PPP2R2B: variants seen among roughly 807,000 people sequenced by gnomAD.
PPP2R2B encodes the protein serine/threonine-protein phosphatase 2A 55 kDa regulatory subunit B beta isoform.
In PPP2R2B, 5 loss-of-function variants were observed where a neutral mutation model predicts 46.0. The observed-to-expected ratio is 0.11, with a 90% CI of 0.06 to 0.23. The LOEUF (loss-of-function observed/expected upper bound fraction) is 0.23. PPP2R2B is among the 10% of genes least tolerant of loss of function. PPP2R2B has a pLI of 1.00. For missense variants in PPP2R2B, 367 were observed against 575.0 expected, an observed-to-expected ratio of 0.64 and a Z score of 3.70; for synonymous variants, 215 against 206.7, an observed-to-expected ratio of 1.04 and a Z score of -0.34.
At chr5:146,867,887 T>C (rs1761400289) in intron 2 of PPP2R2B, among the ~76,000 whole-genome samples, 1 of 152,356 alleles carries the variant, frequency 6.6e-6, no homozygotes, top group East Asian at 1.9e-4. Flanking sequence ...TTTTCTTTCC[T>C]ACTTTATAAT....
upstream of PPP2R2B, among the ~76,000 whole-genome samples, chr5:146,881,692 G>A (rs608925): frequency 5.3e-3 from 802 of 152,258 alleles, 5 homozygotes; most frequent in African/African-American, 0.018. Flanking sequence ...GATTACTGGC[G>A]TGAGCCACCA....
intron 1 of PPP2R2B, among the ~76,000 whole-genome samples, chr5:146,931,815 A>C (rs1763978208): frequency 6.6e-6 from 1 of 152,192 alleles, no homozygotes; most frequent in African/African-American, 2.4e-5. Context: ...ATAAATGGAA[A>C]ACACTTCTTA....
chr5:146,946,301 C>T (rs562029497), intron 1 of PPP2R2B, among the ~76,000 whole-genome samples: 2 of 152,138 alleles, frequency 1.3e-5, no homozygotes, highest in East Asian at 3.9e-4. Flanking sequence ...TATCTGTCTT[C>T]CCCCTGTCCC....
intron 9 of PPP2R2B, chr5:146,592,259 A>G: frequency 2.9e-6 from 1 of 346,672 alleles, no homozygotes; most frequent in South Asian, 2.2e-5. Flanking sequence ...GGAGTGTGAG[A>G]GAGAGACAGT....
intron 1 of PPP2R2B, among the ~76,000 whole-genome samples, chr5:146,945,009 C>A (rs2915843): frequency 0.47 from 71,801 of 151,960 alleles, 19,263 homozygotes; most frequent in East Asian, 0.73. Flanking sequence ...ATTTGCAAAA[C>A]CCTCATTTAC....
intron 1 of PPP2R2B, among the ~76,000 whole-genome samples, chr5:146,984,467 T>C (rs542628167): frequency 6.6e-6 from 1 of 152,376 alleles, no homozygotes; most frequent in East Asian, 1.9e-4. Context: ...TGCCATATTT[T>C]CTTTATCCAT....
intron 2 of PPP2R2B, among the ~76,000 whole-genome samples, chr5:146,748,117 T>G (rs1331501863): frequency 6.6e-6 from 1 of 152,210 alleles, no homozygotes; most frequent in African/African-American, 2.4e-5. Flanking sequence ...TCCAGAGCAC[T>G]GTGAGCATGG....
At chr5:146,939,705 G>T (rs1764262217) in intron 1 of PPP2R2B, among the ~76,000 whole-genome samples, 1 of 152,046 alleles carries the variant, frequency 6.6e-6, no homozygotes, top group Non-Finnish European at 1.5e-5. Context: ...AGGAAAAATT[G>T]TAACAATGCA....
intron 2 of PPP2R2B, among the ~76,000 whole-genome samples, chr5:146,764,945 C>T (rs1754389209): frequency 6.6e-6 from 1 of 151,982 alleles, no homozygotes; most frequent in African/African-American, 2.4e-5. Context: ...CATTGCAGTA[C>T]AATTAAGAAT....
intron 7 of PPP2R2B, among the ~76,000 whole-genome samples, chr5:146,615,429 C>T (rs1773057329): frequency 8.9e-6 from 1 of 111,998 alleles, no homozygotes; most frequent in East Asian, 2.6e-4. Flanking sequence ...GTGCAGCGCA[C>T]CAGCATGGCA....
At chr5:147,026,198 T>C (rs1235604248) in intron 1 of PPP2R2B, among the ~76,000 whole-genome samples, 1 of 152,136 alleles carries the variant, frequency 6.6e-6, no homozygotes. Context: ...AGTTTATTTA[T>C]ATAATAATAG....
chr5:147,047,693 T>C (rs1479119289), intron 1 of PPP2R2B, among the ~76,000 whole-genome samples: 2 of 152,158 alleles, frequency 1.3e-5, no homozygotes. Context: ...TTTCTGTGTA[T>C]TAGGTAGATG....
chr5:146,731,695 A>T (rs1483653854), intron 2 of PPP2R2B, among the ~76,000 whole-genome samples: 2 of 152,170 alleles, frequency 1.3e-5, no homozygotes, highest in Non-Finnish European at 2.9e-5. Flanking sequence ...TCCACTTTTC[A>T]TGAAGGAGGT....
intron 1 of PPP2R2B, among the ~76,000 whole-genome samples, chr5:147,004,653 C>T (rs1754347066): frequency 6.6e-6 from 1 of 152,162 alleles, no homozygotes; most frequent in Admixed American, 6.5e-5. Context: ...CTATTATCTA[C>T]ATGAATATGG....
chr5:146,847,644 C>T (rs138079686), intron 2 of PPP2R2B, among the ~76,000 whole-genome samples: 1 of 152,332 alleles, frequency 6.6e-6, no homozygotes, highest in East Asian at 1.9e-4. Flanking sequence ...GCACTCTCCA[C>T]AATTCTGCCA....
At chr5:146,690,094 T>G (rs1778746840) in intron 5 of PPP2R2B, among the ~76,000 whole-genome samples, 1 of 152,260 alleles carries the variant, frequency 6.6e-6, no homozygotes, top group Non-Finnish European at 1.5e-5. Flanking sequence ...CCTATTTTCC[T>G]CACATCTACT....
At chr5:147,050,280 C>T (rs1031915) in intron 1 of PPP2R2B, among the ~76,000 whole-genome samples, 25,698 of 152,008 alleles carry the variant, frequency 0.17, 2,800 homozygotes, top group East Asian at 0.32. Context: ...AGACAAATGC[C>T]GTGTGCACTT....
chr5:146,704,895 C>T (rs1318882793), intron 2 of PPP2R2B, among the ~76,000 whole-genome samples: 1 of 152,158 alleles, frequency 6.6e-6, no homozygotes, highest in East Asian at 1.9e-4. Context: ...CTAGTTCATC[C>T]CTAGTCTCTT....
chr5:147,043,073 T>C (rs868502194), intron 1 of PPP2R2B, among the ~76,000 whole-genome samples: 1 of 152,244 alleles, frequency 6.6e-6, no homozygotes, highest in South Asian at 2.1e-4. Context: ...TGTGGAACAA[T>C]GATTTGCAGT....
Sources: allele counts gnomAD v4.1 joint callset (sites outside exome capture counted in the v4.1 genomes callset), GRCh38; gene constraint gnomAD v4.1.1; transcripts MANE v1.5; gene names NCBI Gene and HGNC (gene_info 2026-07-23, HGNC 2026-07-21).